Variants in FHL3 observed in about 807,000 individuals in gnomAD.
FHL3 encodes the protein four and a half LIM domains 3, also known as four and a half LIM domains protein 3.
A neutral mutation model predicts 34.3 loss-of-function variants in FHL3; 21 were observed. That is an observed-to-expected ratio of 0.61 (90% CI 0.43 to 0.88). The LOEUF is 0.88. Among genes scored for constraint, FHL3 ranks in the 40% least tolerant of loss-of-function variants. The pLI is 0.00. For synonymous variants in FHL3, 137 were observed against 144.6 expected, an observed-to-expected ratio of 0.95 and a Z score of 0.38; for missense variants, 333 against 373.7, an observed-to-expected ratio of 0.89 and a Z score of 0.90.
At chr1:38,005,185 G>T (rs1646632059) in intron 1 of FHL3, among the ~76,000 whole-genome samples, 172 bp downstream of exon 1, 1 of 151,218 alleles carries the variant, frequency 6.6e-6, no homozygotes, top group Non-Finnish European at 1.5e-5. Flanking sequence ...GTCCAGTCCC[G>T]GCGGGCGCTG....
intron 1 of FHL3, among the ~76,000 whole-genome samples, chr1:38,003,669 C>T (rs1172061055): frequency 6.6e-6 from 1 of 152,196 alleles, no homozygotes; most frequent in African/African-American, 2.4e-5. Flanking sequence ...AGTATCATCC[C>T]CATTTTACAG....
Position 37,997,695 on chromosome 1 carries a change from C to A in FHL3, c.677G>T (p.Arg226Leu). ...GACCCTTGTCCCACCTACGATGGGG[C>A]GCTTGCAGCTGCTGCACTTAGGTGC... is the stretch of plus-strand genomic sequence containing the variant. ...LFAPKCSSCK[R>L]PIVGLGGGKY... The change falls in exon 5 of 6, where the codon CGC (arginine) becomes CTC (leucine). Residue 226 changes from arginine to leucine, a missense_variant. Transcript: ENST00000373016. The surrounding 1 kb of genome is among the most constrained non-coding windows in gnomAD (Gnocchi z 4.3). 1.2e-6 allele frequency: 2 copies of A among 1,614,080 alleles called. No individual in the cohort carries two copies. The highest frequency in any genetic ancestry group is 8.5e-7 in the Non-Finnish European group (1 of 1,179,986).
In FHL3 at chr1:37,999,341, G is replaced by A. The variant is rs767424315; in HGVS notation, c.72C>T (p.Ser24=). Residue 24 remains serine, a synonymous_variant, in exon 2 of 6, where the codon AGC becomes AGT. Coordinates refer to ENST00000373016, the MANE Select transcript of FHL3 (RefSeq NM_004468.5). ...LYGRKYIQTD[S]GPYCVPCYDN... ...CATAGCAGGGCACACAGTAGGGGCC[G>A]CTGTCTGTCTGGATGTACTTGCGTC... 53 of 1,614,116 alleles carry A rather than the reference G, an allele frequency of 3.3e-5. No homozygotes were observed. The highest frequency in any genetic ancestry group is 8.9e-5 in the East Asian group (4 of 44,906).
In FHL3 at chr1:37,997,131, C is replaced by T; in HGVS notation, c.*274G>A. 1 of 404,670 alleles carries T rather than the reference C, an allele frequency of 2.5e-6. No homozygotes were observed. 25.1% of individuals were successfully genotyped at this position (404,670 alleles called of 1,614,324 possible). ...AGAGCCCTGATTTGGGGAGAGGACT[C>T]AGTCTGGGAACCCAGACTGCAGGGG... On this transcript the variant is annotated 3_prime_UTR_variant, in exon 6 of 6. Coordinates refer to ENST00000373016, the MANE Select transcript of FHL3 (RefSeq NM_004468.5). This position sits in a 1 kb window ranked among gnomAD's most constrained non-coding sequence, Gnocchi z 4.3.
chr1:38,005,317 G>A (rs1318934891), intron 1 of FHL3, 40 bp downstream of exon 1: 1 of 150,484 alleles, frequency 6.6e-6, no homozygotes, highest in East Asian at 2.0e-4. Context: ...CGCGGGGGCG[G>A]ACCGCCAGGG....
intron 1 of FHL3, among the ~76,000 whole-genome samples, chr1:38,003,787 T>C (rs1646618039): frequency 6.6e-6 from 1 of 152,188 alleles, no homozygotes; most frequent in Non-Finnish European, 1.5e-5. Context: ...CTAAAAATGC[T>C]GCCCTGGTGA....
chr1:38,002,272 G>C (rs1425104395), intron 1 of FHL3, among the ~76,000 whole-genome samples: 1 of 151,686 alleles, frequency 6.6e-6, no homozygotes, highest in African/African-American at 2.4e-5. Flanking sequence ...CTAATTTTTT[G>C]TATTTTTAGT....
rs1290318175 is a variant in FHL3, at chr1:37,999,374, G to C, written c.39C>G (p.Ser13=). ...ESFDCAKCNE[S]LYGRKYIQTD... is the part of the protein sequence containing the mutation. ...TCTGGATGTACTTGCGTCCATACAG[G>C]GACTCGTTGCATTTTGCACAGTCAA... is the stretch of plus-strand genomic sequence containing the variant. Residue 13 remains serine, a synonymous_variant, in exon 2 of 6, where the codon TCC becomes TCG. Coordinates refer to ENST00000373016, the MANE Select transcript of FHL3 (RefSeq NM_004468.5). 6.2e-7 allele frequency: 1 copy of C among 1,614,220 alleles called. No individual in the cohort carries two copies. The highest frequency in any genetic ancestry group is 1.7e-5 in the Admixed American group (1 of 60,020).
In FHL3 at chr1:37,997,847, T is replaced by C. The variant is rs1333124732; in HGVS notation, c.525A>G (p.Thr175=). 20 of 1,614,044 alleles carry C rather than the reference T, an allele frequency of 1.2e-5. No homozygotes were observed. In the East Asian group the frequency reaches 4.0e-4, roughly 32 times the overall value. Residue 175 remains threonine, a synonymous_variant, in exon 5 of 6, where the codon ACA becomes ACG. Coordinates refer to ENST00000373016, the MANE Select transcript of FHL3 (RefSeq NM_004468.5). The surrounding 1 kb of genome is among the most constrained non-coding windows in gnomAD (Gnocchi z 4.3). ...CSKTLTQGGV[T]YRDQPWHREC... ...CTCGATGCCACGGCTGATCACGGTA[T>C]GTCACTCCACCCTGTGTCAGCGTCT...
chr1:38,004,554 T>C (rs914506431), intron 1 of FHL3, among the ~76,000 whole-genome samples: 1 of 152,154 alleles, frequency 6.6e-6, no homozygotes, highest in African/African-American at 2.4e-5. Context: ...CTTCAGTCTC[T>C]GTCTTTAGGT....
chr1:38,002,121 CAG>C (rs1646601603), intron 1 of FHL3, among the ~76,000 whole-genome samples: 1 of 146,954 alleles, frequency 6.8e-6, no homozygotes, highest in South Asian at 2.1e-4. Flanking sequence ...TTTTTTGAGA[CAG>C]AGTCTCGCTC....
chr1:38,003,748 G>A (rs552379819), intron 1 of FHL3, among the ~76,000 whole-genome samples: 1 of 152,296 alleles, frequency 6.6e-6, no homozygotes, highest in South Asian at 2.1e-4. Context: ...CAGGTCCCCT[G>A]CCTCCCAGCC....
chr1:38,005,043 T>G (rs1646629508), intron 1 of FHL3, among the ~76,000 whole-genome samples: 1 of 152,104 alleles, frequency 6.6e-6, no homozygotes, highest in Admixed American at 6.5e-5. Context: ...TCCGAGAACC[T>G]CAGTTTCTCC....
In FHL3 at chr1:38,001,652, C is replaced by A. The variant is rs375079760; in HGVS notation, c.-20-2220G>T. Among the ~76,000 whole-genome samples the A allele has an allele frequency of 1.4e-4, 21 of 152,312 alleles. No individual in the cohort carries two copies. In the East Asian group the frequency reaches 3.7e-3, roughly 27 times the overall value. ...GACTGCGGGGACTGAAGGGAGCCAG[C>A]CTTGTATTCCTTCCTGACCGGCAGT... On this transcript the variant is annotated intron_variant, in intron 1 of 5. Transcript: ENST00000373016.
intron 1 of FHL3, among the ~76,000 whole-genome samples, chr1:38,000,858 G>A (rs1646586792): frequency 6.6e-6 from 1 of 152,134 alleles, no homozygotes; most frequent in Admixed American, 6.5e-5. Flanking sequence ...TGTTCTCACA[G>A]CTGTGGATGA....
chr1:37,999,234 G>C, intron 2 of FHL3, 23 bp downstream of exon 2: 1 of 1,614,036 alleles, frequency 6.2e-7, no homozygotes. Flanking sequence ...CCCACCTCCT[G>C]CCTGGCCTGG....
intron 3 of FHL3, among the ~76,000 whole-genome samples, 163 bp from the exon 4 acceptor site, chr1:37,998,295 A>C (rs759499164): frequency 5.3e-5 from 8 of 151,910 alleles, no homozygotes; most frequent in Non-Finnish European, 1.5e-5. Flanking sequence ...ACACATGCTA[A>C]CCTCTCCCCA....
At position 37,997,745 on chromosome 1, in the gene FHL3, A is replaced by C; in HGVS notation, c.627T>G (p.Cys209Trp). Residue 209 changes from cysteine (C) to tryptophan (W), a missense_variant, in exon 5 of 6, where the codon TGT becomes TGG. Physicochemically the swap from Cys to Trp is radical, Grantham distance 215. Coordinates refer to ENST00000373016, the MANE Select transcript of FHL3 (RefSeq NM_004468.5). The surrounding 1 kb of genome is among the most constrained non-coding windows in gnomAD (Gnocchi z 4.3). ...CAAAGAGTTCTCCAAAACAGGCCAC[A>C]CAGTAGGGATCTTCATCCCGGGAGG... ...QFTSRDEDPY[C>W]VACFGELFAP... 6.2e-7 allele frequency: 1 copy of C among 1,614,148 alleles called. No homozygotes were observed. Among genetic ancestry groups the C allele is most frequent in the East Asian group, 2.2e-5 (1 of 44,872 alleles).
At chr1:37,999,519 G>C in intron 1 of FHL3, 87 bp from the exon 2 acceptor site, 2 of 1,284,144 alleles carry the variant, frequency 1.6e-6, no homozygotes, top group Non-Finnish European at 2.2e-6. Context: ...TCAAAACACA[G>C]CCAAGAGACC....
Sources: gnomAD v4.1 joint callset for allele counts (sites outside exome capture counted in the v4.1 genomes callset) on GRCh38, gnomAD v4.1.1 for gene constraint, Gnocchi (gnomAD v3.1) non-coding constraint, MANE v1.5 for transcripts, NCBI Gene and HGNC (gene_info 2026-07-23, HGNC 2026-07-21) for gene names.